Variants in EIF4G3 observed in about 807,000 individuals in gnomAD.
The protein encoded by EIF4G3 is eukaryotic translation initiation factor 4 gamma 3, also known as eIF-4-gamma 3.
In EIF4G3, 34 loss-of-function variants were observed where a neutral mutation model predicts 186.4. The ratio of observed to expected loss-of-function variants is 0.18; its 90% CI spans 0.14 to 0.24. The LOEUF (loss-of-function observed/expected upper bound fraction) is 0.24, where lower values mean the gene tolerates loss of function less well. Among genes scored for constraint, EIF4G3 ranks in the 10% least tolerant of loss-of-function variants. The pLI, the probability that EIF4G3 is intolerant of heterozygous loss-of-function variation, is 1.00. For missense variants in EIF4G3, 1,536 were observed against 1,948.5 expected (o/e 0.79, Z 3.99); for synonymous variants, 673 against 679.5 (o/e 0.99, Z 0.15).
chr1:20,963,378 AT>A (rs80023367), intron 12 of EIF4G3, among the ~76,000 whole-genome samples: 50,830 of 151,948 alleles, frequency 0.33, 9,240 homozygotes, highest in Non-Finnish European at 0.41. Context: ...GTCAACTGTA[AT>A]TAATAAATGG....
In EIF4G3 at chr1:20,904,968, T is replaced by C. The variant is rs764164618; in HGVS notation, c.1667A>G (p.Gln556Arg). ...TGTCTTTGGTACAGTTATAGCTATT[T>C]GAGCTGAAATACAAGATCAGGCCCA... The part of the protein sequence containing the change: ...LNSRRSPVPA[Q>R]IAITVPKTWK... Residue 556 changes from glutamine to arginine, a missense_variant, in exon 15 of 37, where the codon CAA (glutamine) becomes CGA (arginine). By Grantham distance (43) the Gln-to-Arg change is conservative. This residue lies in a region of EIF4G3 where 560 missense variants were observed against 547.8 expected (regional missense o/e 1.02). Transcript: ENST00000602326. 1 of 1,612,912 alleles carries C rather than the reference T, an allele frequency of 6.2e-7. No individual in the cohort carries two copies. Among genetic ancestry groups the C allele is most frequent in the Admixed American group, 1.7e-5 (1 of 59,938 alleles).
At chr1:21,126,128 G>A (rs2097037647) in intron 2 of EIF4G3, among the ~76,000 whole-genome samples, 1 of 151,278 alleles carries the variant, frequency 6.6e-6, no homozygotes, top group Non-Finnish European at 1.5e-5. Context: ...GATTGCTTGA[G>A]CCCAGGAAGT....
At chr1:20,990,415 C>G (rs927694047) in intron 7 of EIF4G3, among the ~76,000 whole-genome samples, 3 of 152,192 alleles carry the variant, frequency 2.0e-5, no homozygotes, top group Non-Finnish European at 4.4e-5. Flanking sequence ...TGGCACACAC[C>G]TGTAATCCCA....
Position 20,919,483 on chromosome 1 carries a change from G to A in EIF4G3, c.1664-14512C>T, listed in dbSNP as rs184460677. ...ACCTCCCGTAGTGATGGGATTACAGGTGTGAGCCACCAAGCCTGACCCCAT... is the reference window on the plus strand; with the variant it reads ...ACCTCCCGTAGTGATGGGATTACAGATGTGAGCCACCAAGCCTGACCCCAT... On this transcript the variant is annotated intron_variant, in intron 14 of 36. Coordinates refer to ENST00000602326, the MANE Select transcript of EIF4G3 (RefSeq NM_001391906.1). Among the ~76,000 whole-genome samples the A allele has an allele frequency of 1.1e-3, 169 of 152,174 alleles. 1 individual carries two copies. Among genetic ancestry groups the A allele is most frequent in the African/African-American group, 3.9e-3 (163 of 41,518 alleles).
At chr1:21,072,755 C>T (rs530058186) in intron 3 of EIF4G3, among the ~76,000 whole-genome samples, 140 of 152,186 alleles carry the variant, frequency 9.2e-4, no homozygotes, top group African/African-American at 3.1e-3. Flanking sequence ...AAGTCATAAG[C>T]GTTTTATCTA....
rs532593245 is a variant in EIF4G3, at chr1:20,838,685, C to CT, written c.4061+2170dup. ...AATCTAGCTTATTGCTGAAAGAAAACTTTTTTTTTTCCCCAGACGTGGTCT... is the reference window on the plus strand; with the variant it reads ...AATCTAGCTTATTGCTGAAAGAAAACTTTTTTTTTTTCCCCAGACGTGGTCT... On this transcript the variant is annotated intron_variant, in intron 30 of 36. Coordinates refer to ENST00000602326, the MANE Select transcript of EIF4G3 (RefSeq NM_001391906.1). 9.2e-3 allele frequency among the ~76,000 whole-genome samples: 1,385 copies of CT among 150,386 alleles called. 8 individuals are homozygous for CT. Among genetic ancestry groups the CT allele is most frequent in the Middle Eastern group, 0.017 (5 of 290 alleles).
intron 22 of EIF4G3, among the ~76,000 whole-genome samples, chr1:20,863,230 C>T (rs557155937): frequency 6.6e-6 from 1 of 151,884 alleles, no homozygotes; most frequent in African/African-American, 2.4e-5. Flanking sequence ...CTTCCTAGGG[C>T]CTTCCTAAAG....
chr1:21,100,754 A>G (rs1053297936), intron 2 of EIF4G3, among the ~76,000 whole-genome samples: 1 of 151,790 alleles, frequency 6.6e-6, no homozygotes, highest in East Asian at 1.9e-4. Context: ...TATCCTGCGA[A>G]TCTACACAAA....
intron 12 of EIF4G3, among the ~76,000 whole-genome samples, chr1:20,959,773 T>C (rs550158904): frequency 1.7e-4 from 26 of 151,804 alleles, no homozygotes; most frequent in African/African-American, 6.3e-4. Context: ...ACAAACAACA[T>C]GAAAGCATGC....
At chr1:21,167,160 A>G (rs1367853081) in intron 2 of EIF4G3, among the ~76,000 whole-genome samples, 1 of 152,100 alleles carries the variant, frequency 6.6e-6, no homozygotes, top group African/African-American at 2.4e-5. Flanking sequence ...ATCTCATTTA[A>G]CCTTCAAGGT....
chr1:21,036,477 T>C (rs146417019), intron 4 of EIF4G3, among the ~76,000 whole-genome samples: 1 of 152,340 alleles, frequency 6.6e-6, no homozygotes, highest in African/African-American at 2.4e-5. Flanking sequence ...AAAAAGAGCA[T>C]GAATCATCAT....
At chr1:20,989,004 T>C (rs2080236664) in intron 7 of EIF4G3, among the ~76,000 whole-genome samples, 1 of 124,230 alleles carries the variant, frequency 8.0e-6, no homozygotes, top group Non-Finnish European at 1.6e-5. Context: ...AGTTTGAGGC[T>C]AGCCCAGGTA....
intron 12 of EIF4G3, among the ~76,000 whole-genome samples, chr1:20,951,612 A>C (rs1488860464): frequency 6.6e-6 from 1 of 152,188 alleles, no homozygotes; most frequent in Non-Finnish European, 1.5e-5. Context: ...GAACAAAGGA[A>C]ACACTCCATG....
intron 4 of EIF4G3, among the ~76,000 whole-genome samples, chr1:21,017,850 A>G (rs1051062525): frequency 1.3e-5 from 2 of 152,072 alleles, no homozygotes; most frequent in African/African-American, 4.8e-5. Flanking sequence ...AGCATTCTGG[A>G]TAAGGGACAC....
chr1:21,051,702 A>AT (rs906840430), intron 3 of EIF4G3, among the ~76,000 whole-genome samples: 3 of 151,624 alleles, frequency 2.0e-5, no homozygotes, highest in African/African-American at 2.4e-5. Context: ...ATAAAAAAAA[A>AT]TTTTTTTTTC....
chr1:20,876,848 T>C (rs758510857), intron 20 of EIF4G3, among the ~76,000 whole-genome samples: 1 of 151,718 alleles, frequency 6.6e-6, no homozygotes, highest in African/African-American at 2.4e-5. Flanking sequence ...AATAAAAAAA[T>C]AGCCAGGCCT....
At chr1:20,845,632 A>G (rs1463933044) in intron 29 of EIF4G3, among the ~76,000 whole-genome samples, 1 of 152,170 alleles carries the variant, frequency 6.6e-6, no homozygotes, top group East Asian at 1.9e-4. Context: ...ACTGCACTCC[A>G]GCCTGGGCAA....
At chr1:20,838,291 C>T (rs939608250) in intron 30 of EIF4G3, among the ~76,000 whole-genome samples, 1 of 151,880 alleles carries the variant, frequency 6.6e-6, no homozygotes, top group Non-Finnish European at 1.5e-5. Context: ...AATCAACTTC[C>T]GAGTATAGTT....
At chr1:20,993,608 A>G (rs1230259292) in intron 7 of EIF4G3, among the ~76,000 whole-genome samples, 1 of 152,240 alleles carries the variant, frequency 6.6e-6, no homozygotes, top group East Asian at 1.9e-4. Context: ...ATCATCCAAC[A>G]ACAAATTCCT....
Sources: allele counts gnomAD v4.1 joint callset (sites outside exome capture counted in the v4.1 genomes callset), GRCh38; gene constraint gnomAD v4.1.1; regional missense constraint gnomAD v4.1.1; transcripts MANE v1.5; gene names NCBI Gene and HGNC (gene_info 2026-07-23, HGNC 2026-07-21).